Variants in NRG3 observed in about 807,000 individuals in gnomAD.
The protein encoded by NRG3 is pro-neuregulin-3, membrane-bound isoform.
NRG3 carries 31 observed loss-of-function variants against 66.9 expected under a neutral mutation model. The ratio of observed to expected loss-of-function variants is 0.46; its 90% confidence interval spans 0.35 to 0.63. The LOEUF (loss-of-function observed/expected upper bound fraction) is 0.63, where lower values mean the gene tolerates loss of function less well. Ranked by LOEUF, NRG3 falls within the 20% of genes least tolerant of loss-of-function variation. The pLI is 0.00. For missense variants in NRG3, 910 were observed against 878.9 expected (o/e 1.04, Z -0.45); for synonymous variants, 393 against 359.4 (o/e 1.09, Z -1.06).
intron 4 of NRG3, among the ~76,000 whole-genome samples, chr10:82,879,622 G>A (rs1042154549): frequency 7.2e-5 from 11 of 152,056 alleles, no homozygotes; most frequent in South Asian, 2.1e-4. Flanking sequence ...ACAGGCGCCC[G>A]CCACCACACC....
At chr10:82,431,261 C>T (rs1406445232) in intron 2 of NRG3, among the ~76,000 whole-genome samples, 1 of 152,098 alleles carries the variant, frequency 6.6e-6, no homozygotes. Context: ...CAACTAGTAA[C>T]AGTTCTATAA....
intron 2 of NRG3, among the ~76,000 whole-genome samples, chr10:82,612,225 T>G (rs2048359078): frequency 6.6e-6 from 1 of 152,226 alleles, no homozygotes; most frequent in Non-Finnish European, 1.5e-5. Flanking sequence ...GCCTGTTCAC[T>G]CTAATGATAG....
intron 1 of NRG3, among the ~76,000 whole-genome samples, chr10:82,217,597 G>T (rs9420914): frequency 0.037 from 5,663 of 152,162 alleles, 162 homozygotes; most frequent in Middle Eastern, 0.13. Context: ...CATTTTTCTC[G>T]TAGAATTATT....
intron 1 of NRG3, among the ~76,000 whole-genome samples, chr10:82,014,912 CA>C (rs1192482202): frequency 6.6e-6 from 1 of 152,220 alleles, no homozygotes; most frequent in East Asian, 1.9e-4. Context: ...AGAGATTTCC[CA>C]TTCTACAATG....
chr10:82,228,482 T>C (rs2076280377), intron 1 of NRG3, among the ~76,000 whole-genome samples: 2 of 152,126 alleles, frequency 1.3e-5, no homozygotes, highest in South Asian at 4.1e-4. Flanking sequence ...ATGATATTGA[T>C]TTGCTGTGTG....
At chr10:82,476,289 A>T (rs938537937) in intron 2 of NRG3, among the ~76,000 whole-genome samples, 2 of 152,222 alleles carry the variant, frequency 1.3e-5, no homozygotes, top group Non-Finnish European at 1.5e-5. Flanking sequence ...ACTGTGGAAT[A>T]GTATGTCAGT....
chr10:82,913,968 A>G (rs1297904084), intron 4 of NRG3, among the ~76,000 whole-genome samples: 1 of 151,980 alleles, frequency 6.6e-6, no homozygotes, highest in Non-Finnish European at 1.5e-5. Flanking sequence ...TAGTTTTTCA[A>G]TGTTCTGTTC....
Position 82,515,727 on chromosome 10 carries a change from A to G in NRG3, c.953+156859A>G, listed in dbSNP as rs146813195. 5.5e-4 allele frequency among the ~76,000 whole-genome samples: 83 copies of G among 152,264 alleles called. 1 individual carries two copies. The highest frequency in any genetic ancestry group is 2.7e-3 in the Admixed American group (41 of 15,290). On this transcript the variant is annotated intron_variant, in intron 2 of 8. Transcript: ENST00000372141. ...AACCCATTAAACAATTTTTAAGCCAATTTAGTAGCCACCACTTCCAGGTCA... is the reference window on the plus strand; with the variant it reads ...AACCCATTAAACAATTTTTAAGCCAGTTTAGTAGCCACCACTTCCAGGTCA...
At chr10:82,229,900 CA>C (rs2076369078) in intron 1 of NRG3, among the ~76,000 whole-genome samples, 1 of 151,846 alleles carries the variant, frequency 6.6e-6, no homozygotes, top group Non-Finnish European at 1.5e-5. Context: ...CGGAAAATAT[CA>C]AAAAGCATGT....
chr10:82,855,830 T>A (rs185993981), intron 3 of NRG3, among the ~76,000 whole-genome samples: 117 of 152,294 alleles, frequency 7.7e-4, no homozygotes, highest in Non-Finnish European at 1.1e-3. Flanking sequence ...TTAAATAGCA[T>A]CTATGATAGC....
chr10:82,947,047 T>C (rs536187683), intron 4 of NRG3, among the ~76,000 whole-genome samples: 10 of 152,266 alleles, frequency 6.6e-5, no homozygotes, highest in African/African-American at 1.4e-4. Context: ...ACCACTGTAA[T>C]TGAGACGATT....
intron 1 of NRG3, among the ~76,000 whole-genome samples, chr10:81,967,944 C>G (rs1347566470): frequency 6.6e-6 from 1 of 152,164 alleles, no homozygotes; most frequent in East Asian, 1.9e-4. Context: ...CTTGGCAGCA[C>G]TCCTTCTTTA....
At chr10:82,063,319 G>GA (rs56765437) in intron 1 of NRG3, among the ~76,000 whole-genome samples, 38 of 149,842 alleles carry the variant, frequency 2.5e-4, no homozygotes, top group Admixed American at 9.3e-4. Context: ...ACGCAAATGT[G>GA]AAAAAAAAAA....
At chr10:82,837,879 C>A (rs892999159) in intron 3 of NRG3, among the ~76,000 whole-genome samples, 1 of 152,102 alleles carries the variant, frequency 6.6e-6, no homozygotes, top group South Asian at 2.1e-4. Context: ...CCTAGGGAGT[C>A]ATAGGATAAG....
chr10:82,215,963 CTTT>C (rs71894841), intron 1 of NRG3, among the ~76,000 whole-genome samples: 1 of 89,722 alleles, frequency 1.1e-5, no homozygotes, highest in African/African-American at 4.6e-5. Flanking sequence ...TTATGTTTTC[CTTT>C]TTTTTTTTTT....
Position 82,727,775 on chromosome 10 carries a change from A to C in NRG3, c.954-10802A>C, listed in dbSNP as rs147495177. 5.5e-4 allele frequency among the ~76,000 whole-genome samples: 84 copies of C among 152,208 alleles called. 2 individuals carry two copies. The East Asian group carries it at 0.016, about 28-fold the overall frequency. On this transcript the variant is annotated intron_variant, in intron 2 of 8. Transcript: ENST00000372141. Reference sequence around the variant, plus strand: ...GATCCACCAATTGCTTGCACTGTGCACCTGAAAAAGCTGCAGACACTCAAT... The same window carrying C: ...GATCCACCAATTGCTTGCACTGTGCCCCTGAAAAAGCTGCAGACACTCAAT...
chr10:82,299,054 G>A (rs1324318336), intron 1 of NRG3, among the ~76,000 whole-genome samples: 2 of 152,142 alleles, frequency 1.3e-5, no homozygotes, highest in Non-Finnish European at 2.9e-5. Context: ...TTGAGATCCA[G>A]TGACATGCCG....
chr10:82,426,790 C>T (rs911619258), intron 2 of NRG3, among the ~76,000 whole-genome samples: 48 of 151,646 alleles, frequency 3.2e-4, no homozygotes, highest in Admixed American at 1.7e-3. Context: ...TGCACCACCA[C>T]GCCCAGCTAA....
chr10:81,933,596 A>G (rs916154627), intron 1 of NRG3, among the ~76,000 whole-genome samples: 2 of 152,182 alleles, frequency 1.3e-5, no homozygotes, highest in African/African-American at 2.4e-5. Flanking sequence ...TGATAATTCA[A>G]GTTTCTTCCA....
Sources: gnomAD v4.1 joint callset for allele counts (sites outside exome capture counted in the v4.1 genomes callset) on GRCh38, gnomAD v4.1.1 for gene constraint, MANE v1.5 for transcripts, NCBI Gene and HGNC (gene_info 2026-07-23, HGNC 2026-07-21) for gene names.